The following NDRG4 variants were observed in gnomAD, a reference collection of about 807,000 sequenced individuals.
The protein encoded by NDRG4 is protein NDRG4.
A neutral mutation model predicts 55.8 loss-of-function variants in NDRG4; 38 were observed. The ratio of observed to expected loss-of-function variants is 0.68; its 90% confidence interval spans 0.53 to 0.89. NDRG4 has a LOEUF of 0.89. Ranked by LOEUF, NDRG4 falls within the 40% of genes least tolerant of loss-of-function variation. The pLI, the probability that NDRG4 is intolerant of heterozygous loss-of-function variation, is 0.00. For synonymous variants in NDRG4, 190 were observed against 182.7 expected, an observed-to-expected ratio of 1.04 and a Z score of -0.32; for missense variants, 455 against 468.6, an observed-to-expected ratio of 0.97 and a Z score of 0.27.
At chr16:58,471,366 C>T (rs560576115) in intron 1 of NDRG4, among the ~76,000 whole-genome samples, 7 of 152,002 alleles carry the variant, frequency 4.6e-5, no homozygotes, top group South Asian at 2.1e-4. Flanking sequence ...ACTCAGGCCT[C>T]GGCCTGCACT....
chr16:58,494,239 CCA>C (rs2036133200), intron 2 of NDRG4, among the ~76,000 whole-genome samples: 1 of 152,200 alleles, frequency 6.6e-6, no homozygotes. Flanking sequence ...GAAGTAAGCT[CCA>C]GTGATCTGAG....
chr16:58,476,456 G>A (rs1476514996), intron 1 of NDRG4, among the ~76,000 whole-genome samples: 3 of 152,180 alleles, frequency 2.0e-5, no homozygotes, highest in Non-Finnish European at 4.4e-5. Flanking sequence ...GAGTTTACAC[G>A]TTGGTGCTGT....
intron 13 of NDRG4, 50 bp from the exon 14 acceptor site, chr16:58,510,595 T>C: frequency 6.8e-7 from 1 of 1,476,864 alleles, no homozygotes; most frequent in Non-Finnish European, 9.2e-7. Flanking sequence ...CTTCACTGTG[T>C]TGTGTCTCCC....
rs148609070 is a variant in NDRG4 at position 58,506,279 on chromosome 16, G to A, written c.373-108G>A. Reference sequence around the variant, plus strand: ...GACATGGGTGTGCATGCACAGACCCGGCTGTAGCCGGGTGGCTGATCAGCA... The same window carrying A: ...GACATGGGTGTGCATGCACAGACCCAGCTGTAGCCGGGTGGCTGATCAGCA... On this transcript the variant is annotated intron_variant, in intron 5 of 14. Coordinates refer to ENST00000570248, the MANE Select transcript of NDRG4 (RefSeq NM_001242835.2). 6.8e-4 allele frequency: 726 copies of A among 1,070,574 alleles called. 2 individuals are homozygous for A. In the African/African-American group the frequency reaches 8.5e-3, roughly 13 times the overall value. The allele number at this position is 1,070,574 out of a possible 1,614,324, so 66.3% of individuals were successfully genotyped here.
intron 1 of NDRG4, among the ~76,000 whole-genome samples, chr16:58,468,289 A>T (rs1469050424): frequency 6.6e-6 from 1 of 152,222 alleles, no homozygotes; most frequent in Non-Finnish European, 1.5e-5. Flanking sequence ...TCTTGCTGCA[A>T]CAGGGACAAG....
At position 58,465,264 on chromosome 16, in the gene NDRG4, G is replaced by T. The variant is rs767929753; in HGVS notation, c.-24+1467G>T. 9.4e-5 allele frequency: 49 copies of T among 518,922 alleles called. 1 individual carries two copies. The highest frequency in any genetic ancestry group is 6.9e-4 in the South Asian group (45 of 65,624). 32.1% of individuals were successfully genotyped at this position (518,922 alleles called of 1,614,324 possible). On this transcript the variant is annotated intron_variant, in intron 1 of 15. Transcript: ENST00000258187. ...AGTGTCCTCCGACACCTGGGGGAGG[G>T]GGCTGATCACTGCCTTCCAGGACCT...
At chr16:58,504,762 TCTC>T (rs1567342928) in intron 5 of NDRG4, 113 bp downstream of exon 5, 4 of 1,071,688 alleles carry the variant, frequency 3.7e-6, no homozygotes, top group Non-Finnish European at 5.7e-6. Flanking sequence ...TGCTCTCGCT[TCTC>T]CTCCTCCCAC....
intron 5 of NDRG4, 103 bp from the exon 6 acceptor site, chr16:58,506,284 T>C (rs779486729): frequency 1.8e-6 from 2 of 1,118,030 alleles, no homozygotes; most frequent in Non-Finnish European, 2.7e-6. Flanking sequence ...GACCCGGCTG[T>C]AGCCGGGTGG....
At chr16:58,490,126 G>C (rs2035606412) in intron 2 of NDRG4, among the ~76,000 whole-genome samples, 1 of 152,218 alleles carries the variant, frequency 6.6e-6, no homozygotes, top group African/African-American at 2.4e-5. Flanking sequence ...ACAGGCCTGA[G>C]CCTCTGTGCC....
upstream of NDRG4, among the ~76,000 whole-genome samples, chr16:58,497,636 G>C (rs1169558139): frequency 6.6e-6 from 1 of 152,218 alleles, no homozygotes; most frequent in Non-Finnish European, 1.5e-5. Flanking sequence ...GGCTCAGAGA[G>C]GTTGATTGAC....
intron 1 of NDRG4, chr16:58,465,091 C>CG (rs202149077): frequency 1.8e-4 from 228 of 1,285,512 alleles, no homozygotes; most frequent in Admixed American, 6.0e-4. Flanking sequence ...GGAGCAGGGA[C>CG]GGGGGGGAGG....
chr16:58,500,880 C>T (rs943694946), intron 1 of NDRG4: 3 of 677,250 alleles, frequency 4.4e-6, no homozygotes, highest in East Asian at 6.8e-5. Context: ...GCTGCGCCAG[C>T]CGGGCAGAGG....
chr16:58,481,036 T>G (rs1335988805), intron 1 of NDRG4, among the ~76,000 whole-genome samples: 1 of 146,098 alleles, frequency 6.8e-6, no homozygotes, highest in Non-Finnish European at 1.5e-5. Context: ...GATGATAGAG[T>G]CCACACATGA....
At chr16:58,503,617 T>C in intron 1 of NDRG4, 181 bp from the exon 2 acceptor site, 1 of 1,226,262 alleles carries the variant, frequency 8.2e-7, no homozygotes, top group Admixed American at 2.0e-5. Context: ...TGAACAGCCC[T>C]GAGAAGGGGT....
At chr16:58,477,211 C>T (rs1037781795) in intron 1 of NDRG4, among the ~76,000 whole-genome samples, 14 of 151,142 alleles carry the variant, frequency 9.3e-5, no homozygotes, top group African/African-American at 3.4e-4. Flanking sequence ...GCATACATTT[C>T]ATAGCTCTGC....
intron 1 of NDRG4, among the ~76,000 whole-genome samples, chr16:58,483,908 TGAAAA>T (rs1251656212): frequency 1.3e-5 from 2 of 151,868 alleles, no homozygotes; most frequent in East Asian, 1.9e-4. Flanking sequence ...CTACAAAAAA[TGAAAA>T]GAAAAAATAG....
intron 8 of NDRG4, 52 bp from the exon 9 acceptor site, chr16:58,507,756 A>C (rs2038230303): frequency 4.4e-6 from 7 of 1,578,228 alleles, no homozygotes; most frequent in Non-Finnish European, 6.1e-6. Context: ...GATGCCCCTC[A>C]TCCTGTCCTG....
At chr16:58,481,309 G>C (rs994386785) in intron 1 of NDRG4, among the ~76,000 whole-genome samples, 2 of 152,196 alleles carry the variant, frequency 1.3e-5, no homozygotes, top group Admixed American at 1.3e-4. Context: ...ATGGGGAAAG[G>C]CACTCTAGGC....
At chr16:58,504,081 C>T (rs1389276329) in intron 2 of NDRG4, 73 bp from the exon 3 acceptor site, 14 of 1,603,002 alleles carry the variant, frequency 8.7e-6, no homozygotes, top group South Asian at 2.2e-5. Context: ...CCTTGCCTGC[C>T]CTCTGGGGGC....
Sources: gnomAD v4.1 joint callset for allele counts (sites outside exome capture counted in the v4.1 genomes callset) on GRCh38, gnomAD v4.1.1 for gene constraint, MANE v1.5 for transcripts, NCBI Gene and HGNC (gene_info 2026-07-23, HGNC 2026-07-21) for gene names.